The following PRKD1 variants were observed in gnomAD, a reference collection of about 807,000 sequenced individuals.
PRKD1 encodes the protein serine/threonine-protein kinase D1.
Under a neutral mutation model 95.9 loss-of-function variants are expected in PRKD1, and 63 were observed. The observed-to-expected ratio is 0.66, with a 90% CI of 0.54 to 0.81. The LOEUF is 0.81. Among genes scored for constraint, PRKD1 ranks in the 30% least tolerant of loss-of-function variants. PRKD1 has a pLI of 0.00. For missense variants in PRKD1, 1,048 were observed against 1,165.3 expected (o/e 0.90, Z 1.47); for synonymous variants, 425 against 423.1 (o/e 1.00, Z -0.05).
At chr14:29,679,403 C>T (rs922896575) in intron 2 of PRKD1, among the ~76,000 whole-genome samples, 3 of 152,134 alleles carry the variant, frequency 2.0e-5, no homozygotes, top group African/African-American at 7.2e-5. Flanking sequence ...TTTTTGGCTC[C>T]TTCCACATTT....
At chr14:29,582,876 G>A (rs990450346) in intron 16 of PRKD1, among the ~76,000 whole-genome samples, 2 of 152,116 alleles carry the variant, frequency 1.3e-5, no homozygotes, top group Non-Finnish European at 2.9e-5. Context: ...GGACAATGTG[G>A]GAGACATACA....
At chr14:29,820,379 T>C (rs1890865327) in intron 1 of PRKD1, among the ~76,000 whole-genome samples, 1 of 152,240 alleles carries the variant, frequency 6.6e-6, no homozygotes, top group African/African-American at 2.4e-5. Context: ...TGAAATGCTG[T>C]TGTAACAAAG....
At chr14:29,812,005 T>G (rs1317223576) in intron 1 of PRKD1, 1 of 152,208 alleles carries the variant, frequency 6.6e-6, no homozygotes, top group African/African-American at 2.4e-5. Flanking sequence ...ATTTGTTATG[T>G]GTTTCATATT....
intron 13 of PRKD1, among the ~76,000 whole-genome samples, chr14:29,618,591 A>G (rs1346086194): frequency 6.6e-6 from 1 of 152,206 alleles, no homozygotes; most frequent in Non-Finnish European, 1.5e-5. Context: ...CTGAAACATA[A>G]TAATAGTGAA....
chr14:29,853,997 T>G (rs1892407337), intron 1 of PRKD1, among the ~76,000 whole-genome samples: 1 of 152,238 alleles, frequency 6.6e-6, no homozygotes, highest in African/African-American at 2.4e-5. Flanking sequence ...CCATTAAACC[T>G]CTTTCTTTTG....
chr14:29,742,187 A>G (rs1056128954), intron 1 of PRKD1, among the ~76,000 whole-genome samples: 2 of 152,352 alleles, frequency 1.3e-5, no homozygotes, highest in Admixed American at 1.3e-4. Flanking sequence ...CTCCCCTTGT[A>G]AAATGCTGTA....
intron 2 of PRKD1, among the ~76,000 whole-genome samples, chr14:29,676,176 C>CTTTTTTTTTTTTTTTTTTTTT (rs1566532166): frequency 3.2e-5 from 2 of 62,244 alleles, no homozygotes; most frequent in Admixed American, 1.5e-4. Context: ...TAGTTCATTA[C>CTTTTTTTTTTTTTTTTTTTTT]GTTTTTGTTT....
chr14:29,747,675 T>C (rs1190968902), intron 1 of PRKD1, among the ~76,000 whole-genome samples: 1 of 152,184 alleles, frequency 6.6e-6, no homozygotes, highest in East Asian at 1.9e-4. Flanking sequence ...TCAGAAACAC[T>C]AGGCCAAGTA....
At chr14:29,827,313 C>T (rs1027337262) in intron 1 of PRKD1, among the ~76,000 whole-genome samples, 4 of 151,966 alleles carry the variant, frequency 2.6e-5, no homozygotes, top group African/African-American at 9.7e-5. Context: ...CCCATGAAAT[C>T]CTAAGAATTC....
At chr14:29,786,367 G>C (rs955576939) in intron 1 of PRKD1, among the ~76,000 whole-genome samples, 2 of 152,140 alleles carry the variant, frequency 1.3e-5, no homozygotes, top group African/African-American at 4.8e-5. Context: ...ACTGGGTTAG[G>C]AAGAATTCCC....
At chr14:29,735,539 C>T (rs968497770) in intron 1 of PRKD1, among the ~76,000 whole-genome samples, 2 of 152,124 alleles carry the variant, frequency 1.3e-5, no homozygotes, top group African/African-American at 2.4e-5. Flanking sequence ...AAAGATGAAA[C>T]AGCAAACCAT....
intron 1 of PRKD1, among the ~76,000 whole-genome samples, chr14:29,909,429 C>A (rs1288588674): frequency 6.6e-6 from 1 of 152,180 alleles, no homozygotes; most frequent in Non-Finnish European, 1.5e-5. Context: ...GCAGCTCCAC[C>A]TGCGGCCTGG....
chr14:29,705,285 A>G (rs1325790430), intron 2 of PRKD1, among the ~76,000 whole-genome samples: 3 of 151,788 alleles, frequency 2.0e-5, no homozygotes, highest in Non-Finnish European at 4.4e-5. Flanking sequence ...AATGACCTCC[A>G]TGTTATTTTA....
intron 1 of PRKD1, among the ~76,000 whole-genome samples, chr14:29,838,824 G>A (rs1009530661): frequency 1.3e-5 from 2 of 152,130 alleles, no homozygotes; most frequent in Non-Finnish European, 2.9e-5. Flanking sequence ...ACAGGATCTA[G>A]TTTGAGGCAC....
intron 1 of PRKD1, among the ~76,000 whole-genome samples, chr14:29,862,267 T>C (rs1892737023): frequency 6.6e-6 from 1 of 152,238 alleles, no homozygotes; most frequent in Admixed American, 6.5e-5. Flanking sequence ...CATTCATCTG[T>C]TGACGGACAC....
intron 1 of PRKD1, among the ~76,000 whole-genome samples, chr14:29,853,534 G>C (rs978727135): frequency 1.3e-5 from 2 of 152,166 alleles, no homozygotes; most frequent in African/African-American, 4.8e-5. Flanking sequence ...TATATTTCTA[G>C]ACAGTGGCAG....
At chr14:29,837,327 G>A (rs1450496727) in intron 1 of PRKD1, among the ~76,000 whole-genome samples, 1 of 152,090 alleles carries the variant, frequency 6.6e-6, no homozygotes, top group Non-Finnish European at 1.5e-5. Flanking sequence ...TGACTGATGT[G>A]CCTTAAAAAA....
chr14:29,629,149 C>A, intron 10 of PRKD1, 56 bp from the exon 11 acceptor site: 6 of 1,416,568 alleles, frequency 4.2e-6, no homozygotes, highest in Non-Finnish European at 5.9e-6. Flanking sequence ...GATGTAATAG[C>A]AAAACAAGTA....
intron 1 of PRKD1, among the ~76,000 whole-genome samples, chr14:29,879,145 A>C (rs145108417): frequency 3.3e-5 from 5 of 152,214 alleles, no homozygotes; most frequent in South Asian, 4.2e-4. Context: ...ATCACCCAGC[A>C]CCTTGCACCA....
Sources: allele counts gnomAD v4.1 joint callset (sites outside exome capture counted in the v4.1 genomes callset), GRCh38; gene constraint gnomAD v4.1.1; transcripts MANE v1.5; gene names NCBI Gene and HGNC (gene_info 2026-07-23, HGNC 2026-07-21).